The following ROBO1 variants were observed in gnomAD, a reference collection of about 807,000 sequenced individuals.
ROBO1 encodes the protein roundabout guidance receptor 1.
In ROBO1, 149 loss-of-function variants were observed where a neutral mutation model predicts 195.9. That is an observed-to-expected ratio of 0.76 (90% CI 0.67 to 0.87). ROBO1 has a LOEUF of 0.87. Ranked by LOEUF, ROBO1 falls within the 40% of genes least tolerant of loss-of-function variation. ROBO1 has a pLI of 0.00. For missense variants in ROBO1, 1,933 were observed against 2,068.3 expected, an observed-to-expected ratio of 0.93 and a Z score of 1.27; for synonymous variants, 816 against 733.2, an observed-to-expected ratio of 1.11 and a Z score of -1.82.
chr3:79,282,651 T>C (rs568633999), intron 2 of ROBO1, among the ~76,000 whole-genome samples: 31 of 152,346 alleles, frequency 2.0e-4, no homozygotes, highest in African/African-American at 7.0e-4. Flanking sequence ...GTTTTACCGT[T>C]AGCTGAGATG....
chr3:79,056,911 C>T (rs563408984), intron 3 of ROBO1, among the ~76,000 whole-genome samples: 3 of 152,230 alleles, frequency 2.0e-5, no homozygotes, highest in South Asian at 2.1e-4. Context: ...ACTGGATGAG[C>T]TCAGTGTAGA....
At position 78,670,284 on chromosome 3, in the gene ROBO1, G is replaced by A. The variant is rs760480280; in HGVS notation, c.1360C>T (p.Pro454Ser). 1.9e-6 allele frequency: 3 copies of A among 1,565,998 alleles called. No homozygotes were observed. The highest frequency in any genetic ancestry group is 1.7e-6 in the Non-Finnish European group (2 of 1,154,480). ...ACAGGACCTTGTCGAATAACTGGGGGAGGCCGATCTGCAATCACTGCCAGA... is the reference window on the plus strand; with the variant it reads ...ACAGGACCTTGTCGAATAACTGGGGAAGGCCGATCTGCAATCACTGCCAGA... ...EVTDVIADRPPPVIRQGPVNQ... is the reference protein window; with the variant it reads ...EVTDVIADRPSPVIRQGPVNQ... The change falls in exon 11 of 31, where the codon CCC (proline) becomes TCC (serine). Residue 454 changes from proline to serine, a missense_variant. Physicochemically the swap from Pro to Ser is moderately conservative, Grantham distance 74. This residue lies in a region of ROBO1 where 1,737 missense variants were observed against 1,882.5 expected (regional missense o/e 0.92). Transcript: ENST00000464233.
chr3:79,758,299 A>T (rs1189512007), intron 1 of ROBO1, among the ~76,000 whole-genome samples: 1 of 152,172 alleles, frequency 6.6e-6, no homozygotes, highest in Non-Finnish European at 1.5e-5. Flanking sequence ...CTAAACTGAA[A>T]CTCTAAATTA....
chr3:79,473,839 C>T (rs1282958791), intron 2 of ROBO1, among the ~76,000 whole-genome samples: 1 of 151,636 alleles, frequency 6.6e-6, no homozygotes, highest in Non-Finnish European at 1.5e-5. Context: ...CCTTAATAAA[C>T]AGAAAAAAAT....
At chr3:79,217,926 A>G (rs1269691834) in intron 2 of ROBO1, among the ~76,000 whole-genome samples, 1 of 151,886 alleles carries the variant, frequency 6.6e-6, no homozygotes, top group Non-Finnish European at 1.5e-5. Context: ...AGCAAAGTAT[A>G]CATACCCTGG....
intron 8 of ROBO1, among the ~76,000 whole-genome samples, chr3:78,713,942 A>G (rs1325723162): frequency 6.6e-6 from 1 of 152,262 alleles, no homozygotes; most frequent in Non-Finnish European, 1.5e-5. Context: ...TCTGAAGAGT[A>G]ATAGAATCTT....
chr3:79,289,097 T>C (rs2032077702), intron 2 of ROBO1, among the ~76,000 whole-genome samples: 1 of 152,126 alleles, frequency 6.6e-6, no homozygotes, highest in South Asian at 2.1e-4. Flanking sequence ...AAATCATTTT[T>C]TTTTTTTAGA....
At chr3:79,374,292 C>T (rs1203480860) in intron 2 of ROBO1, among the ~76,000 whole-genome samples, 1 of 152,038 alleles carries the variant, frequency 6.6e-6, no homozygotes, top group Admixed American at 6.6e-5. Context: ...AAAATAATTT[C>T]ACAGACACCT....
intron 1 of ROBO1, among the ~76,000 whole-genome samples, chr3:79,760,596 G>A (rs1704647017): frequency 7.5e-6 from 1 of 132,490 alleles, no homozygotes; most frequent in South Asian, 2.4e-4. Flanking sequence ...TAAAAATTAT[G>A]TTTAAGCAAT....
intron 2 of ROBO1, among the ~76,000 whole-genome samples, chr3:79,502,710 T>G (rs923487731): frequency 3.3e-5 from 5 of 151,648 alleles, no homozygotes; most frequent in Non-Finnish European, 5.9e-5. Context: ...TTGGAGAATC[T>G]TTATGTCTAG....
chr3:79,748,292 T>C (rs1211630902), intron 1 of ROBO1, among the ~76,000 whole-genome samples: 1 of 152,134 alleles, frequency 6.6e-6, no homozygotes, highest in Non-Finnish European at 1.5e-5. Context: ...AAAGTAATAA[T>C]GAACAAAAGG....
chr3:79,342,773 G>A (rs1367048542), intron 2 of ROBO1, among the ~76,000 whole-genome samples: 1 of 151,998 alleles, frequency 6.6e-6, no homozygotes, highest in Non-Finnish European at 1.5e-5. Flanking sequence ...ACAACTTTAG[G>A]TATATGTATA....
At chr3:79,034,019 G>A (rs1280233806) in intron 3 of ROBO1, among the ~76,000 whole-genome samples, 2 of 152,062 alleles carry the variant, frequency 1.3e-5, no homozygotes, top group African/African-American at 4.8e-5. Context: ...GGAGCAAATA[G>A]TGCTTTATAA....
chr3:79,396,528 G>A (rs919639401), intron 2 of ROBO1, among the ~76,000 whole-genome samples: 1 of 151,772 alleles, frequency 6.6e-6, no homozygotes, highest in Non-Finnish European at 1.5e-5. Context: ...TCAAAATTTA[G>A]CAACATTGTT....
chr3:79,056,682 C>G (rs1230158011), intron 3 of ROBO1, among the ~76,000 whole-genome samples: 3 of 152,016 alleles, frequency 2.0e-5, no homozygotes, highest in Non-Finnish European at 4.4e-5. Context: ...AGCTTTGAAC[C>G]CTGAGGCGTC....
chr3:79,239,521 T>C (rs1399373122), intron 2 of ROBO1, among the ~76,000 whole-genome samples: 2 of 152,194 alleles, frequency 1.3e-5, no homozygotes, highest in African/African-American at 4.8e-5. Context: ...ATAGATTACA[T>C]AGCTACATGT....
chr3:79,529,446 C>T (rs1559967533), intron 2 of ROBO1, among the ~76,000 whole-genome samples: 1 of 152,142 alleles, frequency 6.6e-6, no homozygotes, highest in Non-Finnish European at 1.5e-5. Flanking sequence ...CACTGCACTC[C>T]AGCCTGGGCG....
At chr3:79,666,892 T>G (rs1285789160) in intron 1 of ROBO1, among the ~76,000 whole-genome samples, 1 of 151,912 alleles carries the variant, frequency 6.6e-6, no homozygotes, top group Non-Finnish European at 1.5e-5. Context: ...AATTGCACCA[T>G]TAAGGTAATA....
In ROBO1 at chr3:78,667,975, T is replaced by C. The variant is rs775620555; in HGVS notation, c.1874A>G (p.Lys625Arg). 20 of 1,613,794 alleles carry C rather than the reference T, an allele frequency of 1.2e-5. No homozygotes were observed. Among genetic ancestry groups the C allele is most frequent in the Middle Eastern group, 3.3e-4 (2 of 6,062 alleles). ...KTETSAIKGL[K>R]PNAIYLFLVR... ...AAGGAAAAGGTAAATTGCATTAGGT[T>C]TGAGTCCTTTAATGGCAGATGTTTC... The change falls in exon 14 of 31, where the codon AAA (lysine) becomes AGA (arginine). Residue 625 changes from lysine to arginine, a missense_variant. Coordinates refer to ENST00000464233, the MANE Select transcript of ROBO1 (RefSeq NM_002941.4).
Sources: gnomAD v4.1 joint callset for allele counts (sites outside exome capture counted in the v4.1 genomes callset) on GRCh38, gnomAD v4.1.1 for gene constraint, gnomAD v4.1.1 regional missense constraint, MANE v1.5 for transcripts, NCBI Gene and HGNC (gene_info 2026-07-23, HGNC 2026-07-21) for gene names.